Variants in LRRC4C observed in about 807,000 individuals in gnomAD.
The protein encoded by LRRC4C is leucine rich repeat containing 4C.
LRRC4C carries 5 observed loss-of-function variants against 33.6 expected under a neutral mutation model. The observed-to-expected ratio is 0.15, with a 90% CI of 0.08 to 0.31. LRRC4C has a LOEUF of 0.31. Ranked by LOEUF, LRRC4C falls within the 10% of genes least tolerant of loss-of-function variation. The pLI is 1.00. For missense variants in LRRC4C, 560 were observed against 796.7 expected (o/e 0.70, Z 3.58); for synonymous variants, 329 against 302.0 (o/e 1.09, Z -0.93).
At chr11:41,027,399 A>C (rs1856448562) in intron 1 of LRRC4C, among the ~76,000 whole-genome samples, 1 of 151,780 alleles carries the variant, frequency 6.6e-6, no homozygotes, top group South Asian at 2.1e-4. Context: ...AATTACTCTG[A>C]TGAGCAATTA....
In LRRC4C at chr11:40,843,296, C is replaced by A. The variant is rs191110348; in HGVS notation, c.-407+90339G>T. Among the ~76,000 whole-genome samples the A allele has an allele frequency of 7.9e-5, 12 of 152,182 alleles. No individual in the cohort carries two copies. In the East Asian group the frequency reaches 2.3e-3, roughly 29 times the overall value. The stretch of plus-strand genomic sequence containing the variant: ...TTAATACCAGCAATTAGGACGAGAC[C>A]AACCCTATGTACTAGGTAGTTGACT... On this transcript the variant is annotated intron_variant, in intron 2 of 6. Coordinates refer to ENST00000528697, the MANE Select transcript of LRRC4C (RefSeq NM_001258419.2).
At chr11:40,152,788 A>G (rs1858333632) in intron 5 of LRRC4C, among the ~76,000 whole-genome samples, 2 of 152,140 alleles carry the variant, frequency 1.3e-5, no homozygotes, top group African/African-American at 4.8e-5. Context: ...ACAGCAAGAC[A>G]TGCCCAAGGA....
intron 1 of LRRC4C, among the ~76,000 whole-genome samples, chr11:41,224,685 T>C (rs1247889600): frequency 6.6e-6 from 1 of 152,222 alleles, no homozygotes; most frequent in African/African-American, 2.4e-5. Flanking sequence ...TCTTGAAATG[T>C]CAACGTACTC....
intron 1 of LRRC4C, among the ~76,000 whole-genome samples, chr11:40,942,537 G>A (rs1958202825): frequency 6.6e-6 from 1 of 152,158 alleles, no homozygotes; most frequent in Non-Finnish European, 1.5e-5. Flanking sequence ...GAGTGTGGGG[G>A]CGTTGCAAGT....
At chr11:40,257,909 T>G (rs1867346739) in intron 4 of LRRC4C, among the ~76,000 whole-genome samples, 1 of 152,182 alleles carries the variant, frequency 6.6e-6, no homozygotes, top group Non-Finnish European at 1.5e-5. Context: ...TGAAAATAAA[T>G]TTACTTACTT....
At chr11:41,165,163 C>T (rs1370462031) in intron 1 of LRRC4C, among the ~76,000 whole-genome samples, 2 of 152,088 alleles carry the variant, frequency 1.3e-5, no homozygotes, top group African/African-American at 2.4e-5. Context: ...TCCACAATCG[C>T]GATGGCCCCC....
At chr11:41,128,709 C>T (rs2135819144) in intron 1 of LRRC4C, among the ~76,000 whole-genome samples, 1 of 152,132 alleles carries the variant, frequency 6.6e-6, no homozygotes, top group Admixed American at 6.6e-5. Flanking sequence ...CTATAATTGT[C>T]TCAAAAGTCA....
chr11:41,270,768 A>T (rs1207380588), intron 1 of LRRC4C, among the ~76,000 whole-genome samples: 1 of 152,124 alleles, frequency 6.6e-6, no homozygotes, highest in Non-Finnish European at 1.5e-5. Context: ...ATAGCAAATG[A>T]CTACAAATTT....
At chr11:41,351,252 T>C (rs112216298) in intron 1 of LRRC4C, among the ~76,000 whole-genome samples, 14 of 149,442 alleles carry the variant, frequency 9.4e-5, no homozygotes, top group South Asian at 2.1e-4. Flanking sequence ...CACACACACA[T>C]ACACACACAC....
At chr11:40,328,724 A>T (rs1946212568) in intron 3 of LRRC4C, among the ~76,000 whole-genome samples, 1 of 152,242 alleles carries the variant, frequency 6.6e-6, no homozygotes. Context: ...TAACTTTGAT[A>T]ATCATTTCTG....
At chr11:41,037,248 A>T (rs2137913359) in intron 1 of LRRC4C, among the ~76,000 whole-genome samples, 1 of 150,980 alleles carries the variant, frequency 6.6e-6, no homozygotes, top group East Asian at 2.0e-4. Flanking sequence ...TCACTTGATT[A>T]GATGCATTCT....
intron 3 of LRRC4C, among the ~76,000 whole-genome samples, chr11:40,625,857 G>A (rs998327850): frequency 1.3e-5 from 2 of 151,786 alleles, no homozygotes; most frequent in Non-Finnish European, 2.9e-5. Context: ...TCTTTTTTAT[G>A]TAGATTACTT....
chr11:40,598,228 T>C (rs757247238), intron 3 of LRRC4C, among the ~76,000 whole-genome samples: 2 of 152,176 alleles, frequency 1.3e-5, no homozygotes, highest in African/African-American at 2.4e-5. Flanking sequence ...GAAAAAACAT[T>C]TCTGTAGCAC....
At chr11:40,548,359 T>G (rs1957006200) in intron 3 of LRRC4C, among the ~76,000 whole-genome samples, 1 of 151,958 alleles carries the variant, frequency 6.6e-6, no homozygotes, top group South Asian at 2.1e-4. Flanking sequence ...ACTGATGTCC[T>G]TACAAAAAAG....
chr11:40,880,886 T>C (rs2136019944), intron 2 of LRRC4C, among the ~76,000 whole-genome samples: 1 of 150,836 alleles, frequency 6.6e-6, no homozygotes, highest in African/African-American at 2.4e-5. Flanking sequence ...TATATATGTA[T>C]ACACATATAT....
chr11:40,487,764 C>G (rs891150889), intron 3 of LRRC4C, among the ~76,000 whole-genome samples: 3 of 151,946 alleles, frequency 2.0e-5, no homozygotes, highest in Non-Finnish European at 4.4e-5. Context: ...AGATTTTGAT[C>G]TTGTTTAAAA....
chr11:40,440,386 C>A (rs983719468), intron 3 of LRRC4C, among the ~76,000 whole-genome samples: 1 of 149,192 alleles, frequency 6.7e-6, no homozygotes, highest in African/African-American at 2.5e-5. Flanking sequence ...ACAATCCCAT[C>A]ATATTTAGGG....
chr11:41,165,319 C>T (rs113331417), intron 1 of LRRC4C, among the ~76,000 whole-genome samples: 8 of 151,938 alleles, frequency 5.3e-5, no homozygotes, highest in Admixed American at 1.3e-4. Flanking sequence ...CATTGTTGAC[C>T]GAAATGTCAT....
chr11:41,094,366 A>C (rs1940662665), intron 1 of LRRC4C, among the ~76,000 whole-genome samples: 1 of 150,744 alleles, frequency 6.6e-6, no homozygotes, highest in Non-Finnish European at 1.5e-5. Context: ...TCTACTAAAA[A>C]TACAAAAAAT....
Sources: gnomAD v4.1 joint callset for allele counts (sites outside exome capture counted in the v4.1 genomes callset) on GRCh38, gnomAD v4.1.1 for gene constraint, MANE v1.5 for transcripts, NCBI Gene and HGNC (gene_info 2026-07-23, HGNC 2026-07-21) for gene names.